Variants in SLC8A1 observed in about 807,000 individuals in gnomAD.
SLC8A1 encodes the protein solute carrier family 8 member A1, also known as sodium/calcium exchanger 1.
A neutral mutation model predicts 68.3 loss-of-function variants in SLC8A1; 18 were observed. That is an observed-to-expected ratio of 0.26 (90% CI 0.18 to 0.39). The LOEUF (loss-of-function observed/expected upper bound fraction) is 0.39. SLC8A1 is among the 10% of genes least tolerant of loss of function. The pLI is 1.00. For missense variants in SLC8A1, 985 were observed against 1,156.7 expected (o/e 0.85, Z 2.15); for synonymous variants, 475 against 415.5 (o/e 1.14, Z -1.74).
intron 1 of SLC8A1, among the ~76,000 whole-genome samples, chr2:40,474,400 C>A (rs1396333775): frequency 6.6e-6 from 1 of 152,164 alleles, no homozygotes; most frequent in Non-Finnish European, 1.5e-5. Flanking sequence ...TAAATGGTTT[C>A]TCAGAAAAGA....
intron 2 of SLC8A1, among the ~76,000 whole-genome samples, chr2:40,354,504 C>T (rs1672088875): frequency 6.6e-6 from 1 of 152,066 alleles, no homozygotes; most frequent in South Asian, 2.1e-4. Flanking sequence ...GAGCAAAGGA[C>T]CTAGAAGGCA....
At position 40,133,231 on chromosome 2, in the gene SLC8A1, A is replaced by G. The variant is rs555355053; in HGVS notation, c.2437+6170T>C. On this transcript the variant is annotated intron_variant, in intron 7 of 7. Transcript: ENST00000406785. Reference sequence around the variant, plus strand: ...ACCCTCTTGGTGCACAGTCGTTAACACCACGCTAAGAGAACATGGTGAACA... The same window carrying G: ...ACCCTCTTGGTGCACAGTCGTTAACGCCACGCTAAGAGAACATGGTGAACA... Among the ~76,000 whole-genome samples, 30 of 152,316 alleles carry G rather than the reference A, an allele frequency of 2.0e-4. 1 individual carries two copies. Among genetic ancestry groups the G allele is most frequent in the African/African-American group, 6.0e-4 (25 of 41,554 alleles).
intron 2 of SLC8A1, among the ~76,000 whole-genome samples, chr2:40,225,022 T>C (rs1389432071): frequency 6.6e-6 from 1 of 152,174 alleles, no homozygotes; most frequent in Non-Finnish European, 1.5e-5. Flanking sequence ...CTATCATTTC[T>C]GGTTTCTTGG....
chr2:40,473,164 G>A (rs576283296), intron 1 of SLC8A1, among the ~76,000 whole-genome samples: 1 of 152,136 alleles, frequency 6.6e-6, no homozygotes, highest in Non-Finnish European at 1.5e-5. Context: ...GAGATACAGA[G>A]GACCTAAGAA....
intron 1 of SLC8A1, among the ~76,000 whole-genome samples, chr2:40,467,532 C>G (rs956025136): frequency 1.3e-5 from 2 of 152,134 alleles, no homozygotes; most frequent in Admixed American, 6.6e-5. Flanking sequence ...TTGTTGTCTC[C>G]TTTTATGTTC....
At chr2:40,277,808 A>ATATATATATATATGTGTG (rs2066949777) in intron 2 of SLC8A1, among the ~76,000 whole-genome samples, 1 of 101,840 alleles carries the variant, frequency 9.8e-6, no homozygotes, top group African/African-American at 3.1e-5. Flanking sequence ...ATATATATAT[A>ATATATATATATATGTGTG]TATATATATA....
At chr2:40,431,683 A>C (rs1046303071) in intron 1 of SLC8A1, among the ~76,000 whole-genome samples, 2 of 152,288 alleles carry the variant, frequency 1.3e-5, no homozygotes, top group South Asian at 4.1e-4. Flanking sequence ...AGAAGCCCTG[A>C]GTCAGAACAT....
exon 8 of SLC8A1, chr2:40,099,096 C>G (rs139370040): frequency 1.3e-5 from 2 of 152,050 alleles, no homozygotes; most frequent in African/African-American, 4.8e-5. Flanking sequence ...AGAGAAGATA[C>G]TTTATGCAAG....
intron 7 of SLC8A1, among the ~76,000 whole-genome samples, chr2:40,137,784 C>T (rs899915041): frequency 6.6e-6 from 1 of 152,192 alleles, no homozygotes; most frequent in Middle Eastern, 3.4e-3. Flanking sequence ...TTCAAACAGC[C>T]CTGCTTGCTA....
chr2:40,153,497 C>A (rs542534347), intron 6 of SLC8A1, among the ~76,000 whole-genome samples: 66 of 152,326 alleles, frequency 4.3e-4, no homozygotes, highest in South Asian at 8.3e-4. Context: ...TAACTCTACA[C>A]TGAAACAAGG....
chr2:40,223,296 C>T (rs911895903), intron 2 of SLC8A1, among the ~76,000 whole-genome samples: 1 of 152,098 alleles, frequency 6.6e-6, no homozygotes, highest in Non-Finnish European at 1.5e-5. Context: ...TGTTCTCACT[C>T]ATAAGTGGGA....
At chr2:40,224,655 C>G (rs2058749757) in intron 2 of SLC8A1, among the ~76,000 whole-genome samples, 1 of 152,006 alleles carries the variant, frequency 6.6e-6, no homozygotes, top group South Asian at 2.1e-4. Context: ...TGAGTTAGAG[C>G]TAGGCAAGTG....
At chr2:40,224,898 C>T (rs1229931432) in intron 2 of SLC8A1, among the ~76,000 whole-genome samples, 1 of 152,064 alleles carries the variant, frequency 6.6e-6, no homozygotes, top group Non-Finnish European at 1.5e-5. Flanking sequence ...AACTTATTAC[C>T]AGGCTTGAGA....
In SLC8A1 at chr2:40,402,966, G is replaced by A. The variant is rs141237574; in HGVS notation, c.1808+25507C>T. Among the ~76,000 whole-genome samples, 197 of 152,212 alleles carry A rather than the reference G, an allele frequency of 1.3e-3. 1 individual carries two copies. Among genetic ancestry groups the A allele is most frequent in the African/African-American group, 4.5e-3 (185 of 41,532 alleles). On this transcript the variant is annotated intron_variant, in intron 2 of 7. Coordinates refer to ENST00000406785, the Ensembl canonical transcript of SLC8A1. Reference sequence around the variant, plus strand: ...GTTCCAGAGCTGATCCACAGTTAACGAAAATTAAAGCCACAAATTTTTCCC... The same window carrying A: ...GTTCCAGAGCTGATCCACAGTTAACAAAAATTAAAGCCACAAATTTTTCCC...
At chr2:40,509,192 G>A (rs893067684) in intron 1 of SLC8A1, among the ~76,000 whole-genome samples, 3 of 152,106 alleles carry the variant, frequency 2.0e-5, no homozygotes, top group Non-Finnish European at 4.4e-5. Flanking sequence ...ATTGAAAGCG[G>A]TTCTTCATAG....
At position 40,310,508 on chromosome 2, in the gene SLC8A1, C is replaced by G. The variant is rs557663527; in HGVS notation, c.1808+117965G>C. Among the ~76,000 whole-genome samples, 7 of 152,276 alleles carry G rather than the reference C, an allele frequency of 4.6e-5. No individual in the cohort carries two copies. The East Asian group carries it at 1.4e-3, about 29-fold the overall frequency. On this transcript the variant is annotated intron_variant, in intron 2 of 7. Transcript: ENST00000406785. ...AGAGGTCAGTGGCCAGGGATGTACA[C>G]CAAGCAGCCAAGGATCTGTAGTACT... is the stretch of plus-strand genomic sequence containing the variant.
chr2:40,135,117 G>T (rs2040243338), intron 7 of SLC8A1, among the ~76,000 whole-genome samples: 1 of 152,190 alleles, frequency 6.6e-6, no homozygotes, highest in African/African-American at 2.4e-5. Context: ...AGGCCCATGG[G>T]CCCAAAGAAC....
intron 2 of SLC8A1, among the ~76,000 whole-genome samples, chr2:40,227,817 G>C (rs979362732): frequency 6.6e-6 from 1 of 151,946 alleles, no homozygotes; most frequent in Non-Finnish European, 1.5e-5. Context: ...ATGACAGCAC[G>C]GTGCTATATA....
intron 2 of SLC8A1, among the ~76,000 whole-genome samples, chr2:40,206,380 TC>T (rs2055447566): frequency 6.6e-6 from 1 of 152,066 alleles, no homozygotes; most frequent in African/African-American, 2.4e-5. Flanking sequence ...TGTCACAAAA[TC>T]CTATTAACTC....
Sources: gnomAD v4.1 joint callset for allele counts (sites outside exome capture counted in the v4.1 genomes callset) on GRCh38, gnomAD v4.1.1 for gene constraint, MANE v1.5 for transcripts, NCBI Gene and HGNC (gene_info 2026-07-23, HGNC 2026-07-21) for gene names.